JAM3: variants seen among roughly 807,000 people sequenced by gnomAD.
JAM3 encodes the protein junctional adhesion molecule C.
In JAM3, 31 loss-of-function variants were observed where a neutral mutation model predicts 39.4. The ratio of observed to expected loss-of-function variants is 0.79; its 90% confidence interval spans 0.59 to 1.06. The LOEUF is 1.06. JAM3 is among the 50% of genes least tolerant of loss of function. JAM3 has a pLI of 0.00. For synonymous variants in JAM3, 182 were observed against 148.7 expected, an observed-to-expected ratio of 1.22 and a Z score of -1.63; for missense variants, 455 against 391.4, an observed-to-expected ratio of 1.16 and a Z score of -1.37.
rs778463937 is a variant in JAM3, at chr11:134,144,887, C to T, written c.505C>T (p.Pro169Ser). The change falls in exon 5 of 9, where the codon CCT (proline) becomes TCT (serine). Residue 169 changes from proline (P) to serine (S), a missense_variant. Coordinates refer to ENST00000299106, the MANE Select transcript of JAM3 (RefSeq NM_032801.5). ...CCAGGAGAGTGAGGGCCACCCCCGG[C>T]CTCACTACAGCTGGTATCGCAATGA... is the stretch of plus-strand genomic sequence containing the variant. ...HCQESEGHPR[P>S]HYSWYRNDVP... 4 of 1,614,192 alleles carry T rather than the reference C, an allele frequency of 2.5e-6. No individual in the cohort carries two copies. Among genetic ancestry groups the T allele is most frequent in the Non-Finnish European group, 3.4e-6 (4 of 1,180,004 alleles).
At chr11:134,088,947 G>A (rs556295125) in intron 1 of JAM3, among the ~76,000 whole-genome samples, 42 of 152,222 alleles carry the variant, frequency 2.8e-4, no homozygotes, top group African/African-American at 9.4e-4. Context: ...TTGCCACCAC[G>A]TTGGGCAACA....
chr11:134,088,245 C>T (rs1273785934), intron 1 of JAM3, among the ~76,000 whole-genome samples: 1 of 152,268 alleles, frequency 6.6e-6, no homozygotes, highest in Non-Finnish European at 1.5e-5. Flanking sequence ...AATTTCGACA[C>T]CAAAACAAAA....
chr11:134,104,598 T>G (rs1942144228), intron 1 of JAM3, among the ~76,000 whole-genome samples: 1 of 151,644 alleles, frequency 6.6e-6, no homozygotes, highest in Non-Finnish European at 1.5e-5. Context: ...TCAACAAAAT[T>G]GATAGACCGC....
At chr11:134,108,290 G>C (rs1468956118) in intron 1 of JAM3, among the ~76,000 whole-genome samples, 1 of 151,326 alleles carries the variant, frequency 6.6e-6, no homozygotes, top group Non-Finnish European at 1.5e-5. Context: ...ATAATTTATA[G>C]TTAAAAAAAA....
intron 1 of JAM3, among the ~76,000 whole-genome samples, chr11:134,093,700 AC>A (rs1591777591): frequency 8.4e-6 from 1 of 118,736 alleles, no homozygotes; most frequent in Non-Finnish European, 1.8e-5. Flanking sequence ...GTTCCACCTT[AC>A]ATGTCACTTC....
intron 1 of JAM3, among the ~76,000 whole-genome samples, chr11:134,125,513 G>A (rs892426860): frequency 6.6e-6 from 1 of 152,144 alleles, no homozygotes; most frequent in African/African-American, 2.4e-5. Context: ...ATACAATAAA[G>A]CAAGAAGTAG....
At chr11:134,119,094 A>AT (rs796216013) in intron 1 of JAM3, among the ~76,000 whole-genome samples, 1,403 of 139,708 alleles carry the variant, frequency 0.01, 19 homozygotes, top group African/African-American at 0.032. Flanking sequence ...TAATTTTTGT[A>AT]TTTTTTTTTT....
intron 1 of JAM3, among the ~76,000 whole-genome samples, chr11:134,083,559 C>T (rs533142677): frequency 2.0e-5 from 3 of 152,200 alleles, no homozygotes; most frequent in Non-Finnish European, 2.9e-5. Flanking sequence ...ACTCTGTGTG[C>T]GTTTCTTGTC....
intron 1 of JAM3, among the ~76,000 whole-genome samples, chr11:134,122,834 A>G (rs1942562529): frequency 6.6e-6 from 1 of 152,236 alleles, no homozygotes; most frequent in African/African-American, 2.4e-5. Flanking sequence ...GCATTCTCTG[A>G]TACTAGACAG....
chr11:134,140,562 A>G (rs1438672449), intron 2 of JAM3, 95 bp from the exon 3 acceptor site: 5 of 972,976 alleles, frequency 5.1e-6, no homozygotes, highest in South Asian at 1.3e-5. Flanking sequence ...TCTGCATGAA[A>G]GGCCTCTTGA....
At chr11:134,120,608 A>G (rs151202930) in intron 1 of JAM3, among the ~76,000 whole-genome samples, 2 of 152,330 alleles carry the variant, frequency 1.3e-5, no homozygotes, top group African/African-American at 4.8e-5. Flanking sequence ...GTGCCCCAGC[A>G]TTCTGTTCAT....
At position 134,114,762 on chromosome 11, in the gene JAM3, G is replaced by A. The variant is rs143344146; in HGVS notation, c.77-25089G>A. Among the ~76,000 whole-genome samples, 1,223 of 152,152 alleles carry A rather than the reference G, an allele frequency of 8.0e-3. 11 individuals carry two copies. The highest frequency in any genetic ancestry group is 0.028 in the African/African-American group (1,144 of 41,498). On this transcript the variant is annotated intron_variant, in intron 1 of 8. Coordinates refer to ENST00000299106, the MANE Select transcript of JAM3 (RefSeq NM_032801.5). The stretch of plus-strand genomic sequence containing the variant: ...CGTATTGTGATTTGTTTTATGGCTC[G>A]GAATATGGTCTACCTTGGTAAATGT...
intron 1 of JAM3, among the ~76,000 whole-genome samples, chr11:134,121,156 C>T (rs1942524519): frequency 6.6e-6 from 1 of 152,172 alleles, no homozygotes; most frequent in South Asian, 2.1e-4. Context: ...GGGGACTGTG[C>T]TCCAGGGCGT....
intron 1 of JAM3, among the ~76,000 whole-genome samples, chr11:134,113,725 G>T (rs1424021867): frequency 2.0e-5 from 3 of 152,196 alleles, no homozygotes. Context: ...GGATGGCTGG[G>T]TCAAAAGGTA....
In JAM3 at chr11:134,144,304, GGAGA is replaced by G; in HGVS notation, c.323_326del (p.Arg108ThrfsTer22). 6.2e-7 allele frequency: 1 copy of G among 1,614,154 alleles called. No homozygotes were observed. Among genetic ancestry groups the G allele is most frequent in the Non-Finnish European group, 8.5e-7 (1 of 1,179,988 alleles). ...TCCCTGAAGATCTGGAATGTGACAC[GGAGA>G]GACTCAGCCCTTTATCGCTGTGAGG... On this transcript the variant is annotated frameshift_variant, in exon 4 of 9. Coordinates refer to ENST00000299106, the MANE Select transcript of JAM3 (RefSeq NM_032801.5). LOFTEE classifies it high-confidence loss of function.
At position 134,147,069 on chromosome 11, in the gene JAM3, G is replaced by A. The variant is rs534808283; in HGVS notation, c.712+1024G>A. ...TCATGTGTCACGTTTGAGAAACTCTGCTCTAGGGTTGTTTTCTCCTGCAGT... is the reference window on the plus strand; with the variant it reads ...TCATGTGTCACGTTTGAGAAACTCTACTCTAGGGTTGTTTTCTCCTGCAGT... On this transcript the variant is annotated intron_variant, in intron 6 of 8. Coordinates refer to ENST00000299106, the MANE Select transcript of JAM3 (RefSeq NM_032801.5). Among the ~76,000 whole-genome samples the A allele has an allele frequency of 7.9e-5, 12 of 152,294 alleles. No individual in the cohort carries two copies. In the South Asian group the frequency reaches 2.5e-3, roughly 32 times the overall value.
At chr11:134,105,694 C>G (rs1002875007) in intron 1 of JAM3, among the ~76,000 whole-genome samples, 3 of 142,384 alleles carry the variant, frequency 2.1e-5, no homozygotes, top group African/African-American at 8.4e-5. Context: ...CACAAGCATT[C>G]TTATATACCA....
chr11:134,071,542 A>G (rs1172238748), intron 1 of JAM3, among the ~76,000 whole-genome samples: 1 of 152,162 alleles, frequency 6.6e-6, no homozygotes, highest in Non-Finnish European at 1.5e-5. Flanking sequence ...TTTTTGAATG[A>G]TTGTGTACTC....
chr11:134,118,991 A>G (rs971975587), intron 1 of JAM3, among the ~76,000 whole-genome samples: 16 of 147,184 alleles, frequency 1.1e-4, no homozygotes, highest in African/African-American at 3.8e-4. Context: ...TTTTTGATAC[A>G]GAGTCTTGCT....
Sources: gnomAD v4.1 joint callset for allele counts (sites outside exome capture counted in the v4.1 genomes callset) on GRCh38, gnomAD v4.1.1 for gene constraint, MANE v1.5 for transcripts, NCBI Gene and HGNC (gene_info 2026-07-23, HGNC 2026-07-21) for gene names.